The following KLC1 variants were observed in gnomAD, a reference collection of about 807,000 sequenced individuals.
KLC1 encodes the protein kinesin 2 60/70kDa.
In KLC1, 30 loss-of-function variants were observed where a neutral mutation model predicts 84.2. The ratio of observed to expected loss-of-function variants is 0.36; its 90% CI spans 0.27 to 0.48. The LOEUF (loss-of-function observed/expected upper bound fraction) is 0.48. Among genes scored for constraint, KLC1 ranks in the 20% least tolerant of loss-of-function variants. KLC1 has a pLI of 0.99. For missense variants in KLC1, 499 were observed against 805.4 expected (o/e 0.62, Z 4.60); for synonymous variants, 289 against 293.3 (o/e 0.99, Z 0.15).
chr14:103,635,334 G>A (rs1396054487), intron 1 of KLC1, among the ~76,000 whole-genome samples: 1 of 152,150 alleles, frequency 6.6e-6, no homozygotes, highest in Non-Finnish European at 1.5e-5. Flanking sequence ...GAGAAAATAG[G>A]TACTGTAAAC....
At chr14:103,676,319 A>G (rs2080871010) in intron 11 of KLC1, among the ~76,000 whole-genome samples, 1 of 151,448 alleles carries the variant, frequency 6.6e-6, no homozygotes, top group Non-Finnish European at 1.5e-5. Context: ...CCCAGGCTGG[A>G]GTGCAATGGC....
intron 15 of KLC1, chr14:103,699,208 A>T (rs1489814820): frequency 2.6e-6 from 4 of 1,550,388 alleles, no homozygotes; most frequent in South Asian, 2.3e-5. Flanking sequence ...GGTCAGCTGC[A>T]ACGGCTGAGG....
At chr14:103,696,650 G>A in intron 15 of KLC1, 1 of 985,502 alleles carries the variant, frequency 1.0e-6, no homozygotes, top group Non-Finnish European at 1.2e-6. Flanking sequence ...CAGGCTGCGT[G>A]TGCAGCGGGG....
intron 3 of KLC1, among the ~76,000 whole-genome samples, chr14:103,658,977 T>A (rs1413002025): frequency 4.7e-5 from 7 of 148,926 alleles, no homozygotes; most frequent in African/African-American, 1.2e-4. Context: ...TTTTTATTTT[T>A]TTTTTTACTT....
intron 15 of KLC1, chr14:103,700,426 C>CA (rs1397448805): frequency 2.1e-6 from 1 of 469,880 alleles, no homozygotes; most frequent in Non-Finnish European, 3.7e-6. Flanking sequence ...CTTGGTGAGC[C>CA]ATGGTGATGG....
chr14:103,669,666 C>A lies in KLC1; in HGVS notation c.885+68C>A. ...CCCCATATATTTCTTTTATCCAACT[C>A]ATTTTACCATTAAACTCAACAGGGA... is the stretch of plus-strand genomic sequence containing the variant. On this transcript the variant is annotated intron_variant, in intron 6 of 16. Transcript: ENST00000334553. 3 of 1,085,252 alleles carry A rather than the reference C, an allele frequency of 2.8e-6. No individual in the cohort carries two copies. The South Asian group carries it at 3.8e-5, about 14-fold the overall frequency. The allele number at this position is 1,085,252 out of a possible 1,614,324, so 67.2% of individuals were successfully genotyped here.
At chr14:103,661,975 T>TCGG (rs2151571806) in intron 3 of KLC1, 141 bp from the exon 4 acceptor site, 1 of 634,764 alleles carries the variant, frequency 1.6e-6, no homozygotes, top group East Asian at 2.8e-5. Context: ...AGCCAGATTG[T>TCGG]CGGCGATCCT....
At chr14:103,659,135 G>A (rs1042772947) in intron 3 of KLC1, among the ~76,000 whole-genome samples, 4 of 151,194 alleles carry the variant, frequency 2.6e-5, no homozygotes, top group Admixed American at 1.3e-4. Context: ...GTACCGCCAC[G>A]ACTGGCTAAT....
At chr14:103,690,377 T>C (rs975673514) in intron 14 of KLC1, among the ~76,000 whole-genome samples, 1 of 152,206 alleles carries the variant, frequency 6.6e-6, no homozygotes, top group African/African-American at 2.4e-5. Context: ...TTGGGACATT[T>C]TGGGGGTGAG....
intron 9 of KLC1, 93 bp downstream of exon 9, chr14:103,673,524 C>A: frequency 1.3e-6 from 1 of 779,646 alleles, no homozygotes; most frequent in Non-Finnish European, 2.0e-6. Flanking sequence ...GTTTATTAAG[C>A]ACTTAACTTT....
intron 15 of KLC1, among the ~76,000 whole-genome samples, chr14:103,697,329 A>G (rs1005914969): frequency 6.6e-6 from 1 of 152,040 alleles, no homozygotes; most frequent in Non-Finnish European, 1.5e-5. Flanking sequence ...AATTCTGCAC[A>G]GTATGGCCCC....
At chr14:103,700,912 G>T (rs76914197) in intron 16 of KLC1, among the ~76,000 whole-genome samples, 185 bp downstream of exon 16, 15 of 152,156 alleles carry the variant, frequency 9.9e-5, no homozygotes, top group Non-Finnish European at 1.6e-4. Context: ...GCCACAGAGT[G>T]GGGGGGTGGG....
intron 2 of KLC1, among the ~76,000 whole-genome samples, chr14:103,656,945 T>C (rs564468850): frequency 6.6e-6 from 1 of 152,158 alleles, no homozygotes; most frequent in Non-Finnish European, 1.5e-5. Context: ...GCTGGTCTGT[T>C]CCAGAAACCA....
chr14:103,664,920 G>A (rs1288668361), intron 5 of KLC1, among the ~76,000 whole-genome samples: 3 of 147,250 alleles, frequency 2.0e-5, no homozygotes, highest in African/African-American at 7.6e-5. Context: ...AGTTAAGTAA[G>A]CATAACTAGG....
intron 14 of KLC1, among the ~76,000 whole-genome samples, chr14:103,691,199 C>T (rs939636667): frequency 6.7e-6 from 1 of 148,310 alleles, no homozygotes; most frequent in African/African-American, 2.5e-5. Context: ...TGCTGTGTCG[C>T]CCAGGCTGGA....
intron 3 of KLC1, among the ~76,000 whole-genome samples, chr14:103,659,974 T>C (rs1567020805): frequency 6.6e-6 from 1 of 152,130 alleles, no homozygotes; most frequent in Non-Finnish European, 1.5e-5. Flanking sequence ...ATGAGGGCAC[T>C]AATCCCATCA....
In KLC1 at chr14:103,641,431, AC is replaced by A. The variant is rs892001068; in HGVS notation, c.-2+11938del. On this transcript the variant is annotated intron_variant, in intron 1 of 16. Coordinates refer to ENST00000334553, the MANE Select transcript of KLC1 (RefSeq NM_001394837.1). ...ACAAAGTACCACAGGCTAGTGACTC[AC>A]GAACAACACAAGCCACAGTCCTGGA... Among the ~76,000 whole-genome samples, 78 of 152,192 alleles carry A rather than the reference AC, an allele frequency of 5.1e-4. 1 individual carries two copies. The highest frequency in any genetic ancestry group is 1.5e-3 in the African/African-American group (64 of 41,526).
intron 14 of KLC1, among the ~76,000 whole-genome samples, chr14:103,689,916 AT>A (rs1257351477): frequency 8.5e-5 from 13 of 152,214 alleles, no homozygotes; most frequent in African/African-American, 3.1e-4. Flanking sequence ...GCAGTGGCTG[AT>A]GCCTGTAATC....
intron 1 of KLC1, among the ~76,000 whole-genome samples, chr14:103,649,819 C>T (rs931414192): frequency 6.6e-6 from 1 of 151,982 alleles, no homozygotes; most frequent in African/African-American, 2.4e-5. Context: ...CCTCAGCCTC[C>T]GGAGTAGCTG....
Sources: gnomAD v4.1 joint callset for allele counts (sites outside exome capture counted in the v4.1 genomes callset) on GRCh38, gnomAD v4.1.1 for gene constraint, MANE v1.5 for transcripts, NCBI Gene and HGNC (gene_info 2026-07-23, HGNC 2026-07-21) for gene names.